SLIT3: variants seen among roughly 807,000 people sequenced by gnomAD.
SLIT3 encodes the protein slit guidance ligand 3.
A neutral mutation model predicts 184.0 loss-of-function variants in SLIT3; 68 were observed. The ratio of observed to expected loss-of-function variants is 0.37; its 90% CI spans 0.30 to 0.45. The LOEUF (loss-of-function observed/expected upper bound fraction) is 0.45, where lower values mean the gene tolerates loss of function less well. SLIT3 is among the 20% of genes least tolerant of loss of function. The probability of loss-of-function intolerance (pLI) is 1.00; values close to 1 mark genes in which losing one functional copy is unlikely to be tolerated. For missense variants in SLIT3, 1,707 were observed against 2,026.0 expected, an observed-to-expected ratio of 0.84 and a Z score of 3.02; for synonymous variants, 831 against 828.6, an observed-to-expected ratio of 1.00 and a Z score of -0.05.
rs575666707 is a variant in SLIT3 at position 168,974,696 on chromosome 5, T to C, written c.414-91360A>G. On this transcript the variant is annotated intron_variant, in intron 4 of 35. Transcript: ENST00000519560. ...TTAAAGACACCAGTTCAGAATGTGG[T>C]CACTTCTCTCTTTAGGGAGGGGCTG... 7.5e-4 allele frequency among the ~76,000 whole-genome samples: 114 copies of C among 152,258 alleles called. 1 individual carries two copies. Among genetic ancestry groups the C allele is most frequent in the African/African-American group, 2.5e-3 (105 of 41,552 alleles).
intron 4 of SLIT3, among the ~76,000 whole-genome samples, chr5:169,121,930 T>C (rs1323522486): frequency 6.6e-6 from 1 of 152,184 alleles, no homozygotes; most frequent in Non-Finnish European, 1.5e-5. Context: ...ACACTCCAAT[T>C]TGACTGATTT....
chr5:168,968,538 T>G (rs1754429664), intron 4 of SLIT3, among the ~76,000 whole-genome samples: 1 of 152,212 alleles, frequency 6.6e-6, no homozygotes, highest in African/African-American at 2.4e-5. Flanking sequence ...TATGAACTTG[T>G]GTATACCCTT....
intron 1 of SLIT3, among the ~76,000 whole-genome samples, chr5:169,296,579 G>A (rs1239787657): frequency 6.6e-6 from 1 of 152,144 alleles, no homozygotes; most frequent in Non-Finnish European, 1.5e-5. Context: ...TGGCCCTGAG[G>A]GCTGGACAGA....
At chr5:169,268,042 A>G (rs1327691607) in intron 1 of SLIT3, among the ~76,000 whole-genome samples, 2 of 152,266 alleles carry the variant, frequency 1.3e-5, no homozygotes, top group Non-Finnish European at 2.9e-5. Flanking sequence ...GGAACAGGCT[A>G]CATACTTTGT....
At chr5:169,053,925 TA>T (rs1042868850) in intron 4 of SLIT3, among the ~76,000 whole-genome samples, 1 of 151,380 alleles carries the variant, frequency 6.6e-6, no homozygotes. Context: ...CCATCTCTAC[TA>T]AAAAAAATAC....
chr5:168,677,178 T>G (rs1274796089), intron 32 of SLIT3, among the ~76,000 whole-genome samples: 1 of 152,234 alleles, frequency 6.6e-6, no homozygotes, highest in Non-Finnish European at 1.5e-5. Context: ...ACACTGGGCC[T>G]GCCAGCTGAG....
chr5:169,182,519 T>A lies in SLIT3; in HGVS notation c.413+10960A>T, dbSNP rs556792398. 4.6e-5 allele frequency among the ~76,000 whole-genome samples: 7 copies of A among 152,330 alleles called. No homozygotes were observed. The East Asian group carries it at 1.2e-3, about 25-fold the overall frequency. On this transcript the variant is annotated intron_variant, in intron 4 of 35. Coordinates refer to ENST00000519560, the MANE Select transcript of SLIT3 (RefSeq NM_003062.4). ...TACAGATGTTTTTGGTGATTTGAAA[T>A]TATGCTAGAATTTGGGGCATCAAAT...
intron 4 of SLIT3, among the ~76,000 whole-genome samples, chr5:169,043,460 A>C (rs1204582963): frequency 6.6e-6 from 1 of 152,192 alleles, no homozygotes; most frequent in Non-Finnish European, 1.5e-5. Flanking sequence ...ATAAGTCTTA[A>C]CCCCACTGTA....
intron 14 of SLIT3, among the ~76,000 whole-genome samples, chr5:168,765,008 A>G (rs1279591849): frequency 1.3e-5 from 2 of 152,198 alleles, no homozygotes; most frequent in Admixed American, 1.3e-4. Flanking sequence ...GAGTGATGGC[A>G]CGAAGGGGCA....
chr5:169,212,441 C>T (rs1006161555), intron 3 of SLIT3, among the ~76,000 whole-genome samples: 5 of 150,758 alleles, frequency 3.3e-5, no homozygotes, highest in African/African-American at 1.2e-4. Context: ...CTGTTCATAT[C>T]CTTTGCCCAC....
intron 20 of SLIT3, among the ~76,000 whole-genome samples, chr5:168,741,086 T>C (rs905858538): frequency 2.6e-5 from 4 of 152,140 alleles, no homozygotes; most frequent in Admixed American, 2.6e-4. Flanking sequence ...TTAGCAACTG[T>C]CAAGACCTCC....
At chr5:168,789,704 A>T (rs570232550) in intron 10 of SLIT3, 73 bp from the exon 11 acceptor site, 14 of 1,098,490 alleles carry the variant, frequency 1.3e-5, no homozygotes, top group Non-Finnish European at 1.8e-5. Context: ...AGTGTGAATC[A>T]AGCATTTCAG....
At chr5:169,207,283 G>T (rs766529796) in intron 3 of SLIT3, among the ~76,000 whole-genome samples, 1 of 151,604 alleles carries the variant, frequency 6.6e-6, no homozygotes. Flanking sequence ...GGCCCAATTC[G>T]TGGACTGAAG....
At chr5:169,237,165 T>G (rs1217451183) in intron 3 of SLIT3, among the ~76,000 whole-genome samples, 2 of 152,230 alleles carry the variant, frequency 1.3e-5, no homozygotes, top group East Asian at 3.8e-4. Context: ...CTTTGCTCCC[T>G]TAAGTTCAGT....
At chr5:168,930,967 G>A (rs1761970414) in intron 4 of SLIT3, among the ~76,000 whole-genome samples, 1 of 152,172 alleles carries the variant, frequency 6.6e-6, no homozygotes, top group Non-Finnish European at 1.5e-5. Flanking sequence ...TCCACAGAGA[G>A]CCTGCAAAGC....
At chr5:168,888,286 G>C (rs1488355867) in intron 4 of SLIT3, among the ~76,000 whole-genome samples, 2 of 152,180 alleles carry the variant, frequency 1.3e-5, no homozygotes, top group African/African-American at 2.4e-5. Context: ...CCTTGGTTAG[G>C]GACCACTCAA....
intron 14 of SLIT3, chr5:168,772,404 T>C (rs760947970): frequency 2.4e-5 from 6 of 250,258 alleles, no homozygotes; most frequent in Non-Finnish European, 4.6e-5. Context: ...ATTTCTCTAC[T>C]TGCCCTTTGG....
chr5:169,280,106 T>C (rs1239220224), intron 1 of SLIT3, among the ~76,000 whole-genome samples: 1 of 152,250 alleles, frequency 6.6e-6, no homozygotes, highest in Non-Finnish European at 1.5e-5. Context: ...TCCCAAGTCC[T>C]GCTGTTTCTT....
chr5:169,047,265 T>C (rs566995285), intron 4 of SLIT3, among the ~76,000 whole-genome samples: 1 of 152,130 alleles, frequency 6.6e-6, no homozygotes, highest in Non-Finnish European at 1.5e-5. Flanking sequence ...ATGTCCCTCA[T>C]CTACCCTACC....
Sources: gnomAD v4.1 joint callset for allele counts (sites outside exome capture counted in the v4.1 genomes callset) on GRCh38, gnomAD v4.1.1 for gene constraint, MANE v1.5 for transcripts, NCBI Gene and HGNC (gene_info 2026-07-23, HGNC 2026-07-21) for gene names.